Variants in EXT1 observed in about 807,000 individuals in gnomAD.
EXT1 encodes the protein exostosin-1.
EXT1 carries 20 observed loss-of-function variants against 82.5 expected under a neutral mutation model. The ratio of observed to expected loss-of-function variants is 0.24; its 90% confidence interval spans 0.17 to 0.35. The LOEUF (loss-of-function observed/expected upper bound fraction) is 0.35, where lower values mean the gene tolerates loss of function less well. Among genes scored for constraint, EXT1 ranks in the 10% least tolerant of loss-of-function variants. The probability of loss-of-function intolerance (pLI) is 1.00; values close to 1 mark genes in which losing one functional copy is unlikely to be tolerated. For synonymous variants in EXT1, 348 were observed against 350.8 expected (o/e 0.99, Z 0.09); for missense variants, 757 against 936.5 (o/e 0.81, Z 2.50).
At chr8:117,808,793 G>A (rs1823272959) in intron 8 of EXT1, among the ~76,000 whole-genome samples, 1 of 152,150 alleles carries the variant, frequency 6.6e-6, no homozygotes, top group Non-Finnish European at 1.5e-5. Context: ...GGGTGTGTCT[G>A]TGAGGGTGTT....
Position 118,050,424 on chromosome 8 carries a change from C to T in EXT1, c.962+59661G>A, listed in dbSNP as rs149353551. ...TGAGGAAACCAAGACATAACATGGACTCTGTACTGCCTGATTCTAAAGGCT... is the reference window on the plus strand; with the variant it reads ...TGAGGAAACCAAGACATAACATGGATTCTGTACTGCCTGATTCTAAAGGCT... On this transcript the variant is annotated intron_variant, in intron 1 of 10. Transcript: ENST00000378204. 3.3e-3 allele frequency among the ~76,000 whole-genome samples: 509 copies of T among 152,320 alleles called. 1 individual carries two copies. The highest frequency in any genetic ancestry group is 0.024 in the Middle Eastern group (7 of 294).
intron 1 of EXT1, among the ~76,000 whole-genome samples, chr8:118,019,445 C>T (rs1816062332): frequency 6.6e-6 from 1 of 152,170 alleles, no homozygotes; most frequent in Non-Finnish European, 1.5e-5. Flanking sequence ...CAGAGCCATG[C>T]TTCTTAAAAC....
intron 1 of EXT1, among the ~76,000 whole-genome samples, chr8:118,087,610 G>A (rs1452233881): frequency 6.6e-6 from 1 of 151,968 alleles, no homozygotes; most frequent in Non-Finnish European, 1.5e-5. Context: ...GAATATTGAA[G>A]GAAAACATTT....
chr8:118,044,659 G>A (rs1292886299), intron 1 of EXT1, among the ~76,000 whole-genome samples: 15 of 151,892 alleles, frequency 9.9e-5, no homozygotes, highest in African/African-American at 3.1e-4. Flanking sequence ...TGCCTGCCTC[G>A]GTCTCCCAAA....
At position 118,064,629 on chromosome 8, in the gene EXT1, C is replaced by G. The variant is rs542989718; in HGVS notation, c.962+45456G>C. Among the ~76,000 whole-genome samples, 164 of 152,228 alleles carry G rather than the reference C, an allele frequency of 1.1e-3. 1 individual carries two copies. The highest frequency in any genetic ancestry group is 3.7e-3 in the African/African-American group (154 of 41,520). On this transcript the variant is annotated intron_variant, in intron 1 of 10. Coordinates refer to ENST00000378204, the MANE Select transcript of EXT1 (RefSeq NM_000127.3). ...GTCTTTGCTATTGTGAATAGTGCTGCAATAAACATAAGTGTGCATGTGTCT... is the reference window on the plus strand; with the variant it reads ...GTCTTTGCTATTGTGAATAGTGCTGGAATAAACATAAGTGTGCATGTGTCT...
chr8:117,896,523 A>T (rs1813340200), intron 1 of EXT1, among the ~76,000 whole-genome samples: 1 of 152,178 alleles, frequency 6.6e-6, no homozygotes, highest in African/African-American at 2.4e-5. Context: ...GCCCAAGGCC[A>T]TTAATCCTAC....
chr8:117,949,833 T>A (rs1451570806), intron 1 of EXT1, among the ~76,000 whole-genome samples: 1 of 152,196 alleles, frequency 6.6e-6, no homozygotes, highest in Non-Finnish European at 1.5e-5. Context: ...TTAAGCCCAA[T>A]ATCAGTCTTA....
intron 1 of EXT1, among the ~76,000 whole-genome samples, chr8:117,863,187 A>G (rs1812714724): frequency 7.2e-6 from 1 of 139,176 alleles, no homozygotes; most frequent in Admixed American, 7.4e-5. Flanking sequence ...AATAACTCTA[A>G]AAGGCAAGTA....
intron 1 of EXT1, among the ~76,000 whole-genome samples, chr8:118,007,165 C>T (rs946673798): frequency 3.3e-5 from 5 of 151,944 alleles, no homozygotes; most frequent in South Asian, 2.1e-4. Flanking sequence ...GGCGTGTTGG[C>T]GGGCGCCTGT....
chr8:117,804,353 A>T (rs1369720542), intron 10 of EXT1, among the ~76,000 whole-genome samples: 1 of 152,162 alleles, frequency 6.6e-6, no homozygotes, highest in Non-Finnish European at 1.5e-5. Context: ...TGGTGCCTTG[A>T]TCTGGGACTC....
intron 1 of EXT1, among the ~76,000 whole-genome samples, chr8:117,961,451 T>G (rs1211934958): frequency 6.6e-6 from 1 of 152,236 alleles, no homozygotes; most frequent in African/African-American, 2.4e-5. Context: ...TGCTTTGCAA[T>G]TAAGATTTAT....
At chr8:118,090,593 C>G (rs574167073) in intron 1 of EXT1, among the ~76,000 whole-genome samples, 88 of 151,846 alleles carry the variant, frequency 5.8e-4, no homozygotes, top group Non-Finnish European at 1.1e-3. Flanking sequence ...GCCTGGCCAA[C>G]ATGATGAAAC....
Position 117,858,844 on chromosome 8 carries a change from GGAAAGAAAGAAAGAAAGAAAGAAA to G in EXT1, c.963-21667_963-21644del, listed in dbSNP as rs1181366390. Among the ~76,000 whole-genome samples the G allele has an allele frequency of 5.1e-3, 435 of 85,166 alleles. 15 individuals are homozygous for G. Among genetic ancestry groups the G allele is most frequent in the African/African-American group, 0.011 (204 of 18,722 alleles). The allele number at this position is 85,166 out of a possible 152,430, so 55.9% of individuals were successfully genotyped here. A position where few individuals can be genotyped will look rare whatever the true frequency, so the allele number is the denominator to read the frequency against. On this transcript the variant is annotated intron_variant, in intron 1 of 10. Transcript: ENST00000378204. ...AGGAAGGAAGGAAGGAAGGAAGGAA[GGAAAGAAAGAAAGAAAGAAAGAAA>G]GAAAGAAAGAAAGAAAGAAAGAAAG...
At chr8:117,975,754 A>T (rs1815050563) in intron 1 of EXT1, among the ~76,000 whole-genome samples, 1 of 152,238 alleles carries the variant, frequency 6.6e-6, no homozygotes, top group Non-Finnish European at 1.5e-5. Flanking sequence ...CAATGGCTTC[A>T]TACAGTGCTT....
Position 117,935,966 on chromosome 8 carries a change from C to T in EXT1, c.963-98765G>A, listed in dbSNP as rs73323905. Among the ~76,000 whole-genome samples, 1,026 of 152,214 alleles carry T rather than the reference C, an allele frequency of 6.7e-3. 17 individuals carry two copies. The highest frequency in any genetic ancestry group is 0.024 in the African/African-American group (979 of 41,502). On this transcript the variant is annotated intron_variant, in intron 1 of 10. Coordinates refer to ENST00000378204, the MANE Select transcript of EXT1 (RefSeq NM_000127.3). ...CCAGGCAGAGGAGAACGAATGAAGTCGCTTTCATAAAATCTTGCCTTCATC... is the reference window on the plus strand; with the variant it reads ...CCAGGCAGAGGAGAACGAATGAAGTTGCTTTCATAAAATCTTGCCTTCATC...
chr8:117,947,257 T>C (rs1814408144), intron 1 of EXT1, among the ~76,000 whole-genome samples: 1 of 152,216 alleles, frequency 6.6e-6, no homozygotes, highest in African/African-American at 2.4e-5. Flanking sequence ...TTTAGCAGTT[T>C]GTTCAGAGCT....
intron 1 of EXT1, among the ~76,000 whole-genome samples, chr8:117,970,530 C>T (rs1288726000): frequency 6.6e-6 from 1 of 152,156 alleles, no homozygotes; most frequent in Non-Finnish European, 1.5e-5. Context: ...TGGTCTCAAA[C>T]TCCTGACCTT....
intron 1 of EXT1, among the ~76,000 whole-genome samples, chr8:117,897,791 C>T (rs1483719133): frequency 1.3e-5 from 2 of 151,714 alleles, no homozygotes; most frequent in African/African-American, 4.8e-5. Flanking sequence ...GATGAGGTTT[C>T]GAGGTTTCAC....
intron 1 of EXT1, among the ~76,000 whole-genome samples, chr8:118,051,405 T>A (rs552869007): frequency 1.3e-5 from 2 of 152,222 alleles, no homozygotes; most frequent in Non-Finnish European, 2.9e-5. Context: ...ATTTTGAAAT[T>A]TATCCTTTTA....
Sources: allele counts gnomAD v4.1 joint callset (sites outside exome capture counted in the v4.1 genomes callset), GRCh38; gene constraint gnomAD v4.1.1; transcripts MANE v1.5; gene names NCBI Gene and HGNC (gene_info 2026-07-23, HGNC 2026-07-21).